TEX10: variants seen among roughly 807,000 people sequenced by gnomAD.
The protein encoded by TEX10 is testis expressed 10, also known as testis-expressed protein 10.
Under a neutral mutation model 104.4 loss-of-function variants are expected in TEX10, and 24 were observed. That is an observed-to-expected ratio of 0.23 (90% CI 0.17 to 0.32). The LOEUF (loss-of-function observed/expected upper bound fraction) is 0.32, where lower values mean the gene tolerates loss of function less well. Ranked by LOEUF, TEX10 falls within the 10% of genes least tolerant of loss-of-function variation. TEX10 has a pLI of 1.00. For missense variants in TEX10, 921 were observed against 1,083.9 expected (o/e 0.85, Z 2.11); for synonymous variants, 396 against 393.4 (o/e 1.01, Z -0.08).
In TEX10 at chr9:100,329,252, C is replaced by A. The variant is rs1017593757; in HGVS notation, c.1513G>T (p.Ala505Ser). The A allele has an allele frequency of 1.2e-6, 2 of 1,606,792 alleles. No individual in the cohort carries two copies. Among genetic ancestry groups the A allele is most frequent in the South Asian group, 2.2e-5 (2 of 88,928 alleles). Residue 505 changes from alanine (A) to serine (S), a missense_variant, in exon 7 of 15, where the codon GCA becomes TCA. Physicochemically the swap from Ala to Ser is moderately conservative, Grantham distance 99 (BLOSUM62 1). This residue lies in a region of TEX10 where 753 missense variants were observed against 868.4 expected (regional missense o/e 0.87). Coordinates refer to ENST00000374902, the MANE Select transcript of TEX10 (RefSeq NM_017746.4). ...CTCTGCTGATATAATGTATAAACTGCCTTAATAAGAGTCTCTGTGTCCTCT... is the reference window on the plus strand; with the variant it reads ...CTCTGCTGATATAATGTATAAACTGACTTAATAAGAGTCTCTGTGTCCTCT... ...NREDTETLIK[A>S]VYTLYQQRGL...
intron 1 of TEX10, among the ~76,000 whole-genome samples, chr9:100,350,688 A>C (rs1835417953): frequency 6.6e-6 from 1 of 152,182 alleles, no homozygotes; most frequent in South Asian, 2.1e-4. Flanking sequence ...TGAGGGTATA[A>C]AAAAATGGGT....
intron 1 of TEX10, among the ~76,000 whole-genome samples, chr9:100,352,038 G>C (rs746800916): frequency 6.6e-6 from 1 of 151,970 alleles, no homozygotes; most frequent in African/African-American, 2.4e-5. Flanking sequence ...TCCAACAAAA[G>C]GCAGATCCTA....
chr9:100,347,301 G>T lies in TEX10; in HGVS notation c.286C>A (p.Leu96Ile). 6.2e-7 allele frequency: 1 copy of T among 1,614,100 alleles called. No homozygotes were observed. Among genetic ancestry groups the T allele is most frequent in the Non-Finnish European group, 8.5e-7 (1 of 1,180,000 alleles). Residue 96 changes from leucine (L) to isoleucine (I), a missense_variant, in exon 3 of 15, where the codon CTT (leucine) becomes ATT (isoleucine). Leu to Ile is a conservative substitution (Grantham distance 5, BLOSUM62 2). Transcript: ENST00000374902. ...SQYPFIIDAH[L>I]SNILSEVTAV... is the part of the protein sequence containing the mutation. Reference sequence around the variant, plus strand: ...GTCACTTCACTTAATATGTTTGAAAGGTGTGCATCAATTATAAATGGGTAT... The same window carrying T: ...GTCACTTCACTTAATATGTTTGAAATGTGTGCATCAATTATAAATGGGTAT...
intron 9 of TEX10, among the ~76,000 whole-genome samples, chr9:100,323,439 CG>C (rs1476932831): frequency 6.6e-6 from 1 of 152,130 alleles, no homozygotes; most frequent in Non-Finnish European, 1.5e-5. Flanking sequence ...CCTAACACCA[CG>C]GAGCATCTTT....
intron 13 of TEX10, chr9:100,304,439 T>C (rs1261703620): frequency 6.5e-6 from 1 of 153,058 alleles, no homozygotes; most frequent in Non-Finnish European, 1.5e-5. Flanking sequence ...TACAACTATC[T>C]CATCTTCAAC....
Position 100,320,297 on chromosome 9 carries a change from C to A in TEX10, c.2170G>T (p.Asp724Tyr). 1 of 1,612,298 alleles carries A rather than the reference C, an allele frequency of 6.2e-7. No homozygotes were observed. The highest frequency in any genetic ancestry group is 8.5e-7 in the Non-Finnish European group (1 of 1,179,026). Reference sequence around the variant, plus strand: ...ACATCCCAGTGGTGTAAAAATTGATCCAAATCTGTAAGGTAGAGAAGCACA... The same window carrying A: ...ACATCCCAGTGGTGTAAAAATTGATACAAATCTGTAAGGTAGAGAAGCACA... Reference protein sequence around the residue: ...SPVLLYLTDLDQFLHHWDVTE... With the variant: ...SPVLLYLTDLYQFLHHWDVTE... Residue 724 changes from aspartate (D) to tyrosine (Y), a missense_variant, in exon 11 of 15, where the codon GAT (aspartate) becomes TAT (tyrosine). Physicochemically the swap from Asp to Tyr is radical, Grantham distance 160. Transcript: ENST00000374902.
chr9:100,320,740 A>C (rs1009769785), intron 10 of TEX10, among the ~76,000 whole-genome samples: 4 of 152,230 alleles, frequency 2.6e-5, no homozygotes, highest in African/African-American at 9.6e-5. Flanking sequence ...GAGCAAGTAA[A>C]AGCAGTAATA....
In TEX10 at chr9:100,312,282, C is replaced by A. The variant is rs143599369; in HGVS notation, c.2203-1903G>T. Among the ~76,000 whole-genome samples, 5 of 152,322 alleles carry A rather than the reference C, an allele frequency of 3.3e-5. No individual in the cohort carries two copies. In the East Asian group the frequency reaches 9.6e-4, roughly 29 times the overall value. ...GAGCCAAACTAGGTAAACTCTGGCA[C>A]TGGATTTGGTGGGAGTGCTGAGATG... On this transcript the variant is annotated intron_variant, in intron 11 of 14. Coordinates refer to ENST00000374902, the MANE Select transcript of TEX10 (RefSeq NM_017746.4).
intron 11 of TEX10, among the ~76,000 whole-genome samples, chr9:100,315,064 A>G (rs1419837672): frequency 6.6e-6 from 1 of 152,210 alleles, no homozygotes; most frequent in Non-Finnish European, 1.5e-5. Context: ...CATCATTTGT[A>G]AAGTTCCTCT....
chr9:100,310,604 A>G (rs1000733517), intron 11 of TEX10, among the ~76,000 whole-genome samples: 1 of 151,978 alleles, frequency 6.6e-6, no homozygotes, highest in East Asian at 1.9e-4. Context: ...CGCCTGGCTA[A>G]TTTTTGTATT....
At chr9:100,329,413 G>T in intron 6 of TEX10, 138 bp from the exon 7 acceptor site, 2 of 917,824 alleles carry the variant, frequency 2.2e-6, no homozygotes, top group South Asian at 3.3e-5. Flanking sequence ...AACTACCATT[G>T]AAGTCCTATA....
chr9:100,318,686 T>C (rs548336274), intron 11 of TEX10, among the ~76,000 whole-genome samples: 17 of 152,356 alleles, frequency 1.1e-4, no homozygotes, highest in South Asian at 4.1e-4. Context: ...TGTGATACTG[T>C]TTGTGTATTT....
intron 11 of TEX10, among the ~76,000 whole-genome samples, chr9:100,313,164 C>A (rs1338120572): frequency 6.6e-6 from 1 of 152,124 alleles, no homozygotes; most frequent in Non-Finnish European, 1.5e-5. Flanking sequence ...AAAATGAAAT[C>A]AAAATTACTT....
chr9:100,341,781 T>C (rs770014105), intron 4 of TEX10, among the ~76,000 whole-genome samples: 10 of 152,194 alleles, frequency 6.6e-5, no homozygotes, highest in Admixed American at 3.9e-4. Flanking sequence ...ACGAAATGTA[T>C]ATACATGTAG....
At chr9:100,327,725 C>T in intron 8 of TEX10, 62 bp downstream of exon 8, 1 of 1,357,984 alleles carries the variant, frequency 7.4e-7, no homozygotes, top group Non-Finnish European at 9.7e-7. Flanking sequence ...CCCTTAAAAA[C>T]TTCTTTTGTA....
At position 100,326,433 on chromosome 9, in the gene TEX10, C is replaced by T. The variant is rs1834706606; in HGVS notation, c.1848G>A (p.Gln616=). 1 of 1,613,854 alleles carries T rather than the reference C, an allele frequency of 6.2e-7. No individual in the cohort carries two copies. The highest frequency in any genetic ancestry group is 1.1e-5 in the South Asian group (1 of 91,068). ...AVVVLPADSQ[Q]RLVQLVYFLP... ...GGAAATATACAAGCTGAACCAAACG[C>T]TGCTGAGAGTCTGCAGGGAGAACCA... The change falls in exon 9 of 15, where the codon CAG becomes CAA. Residue 616 remains glutamine, a synonymous_variant. Coordinates refer to ENST00000374902, the MANE Select transcript of TEX10 (RefSeq NM_017746.4).
At chr9:100,324,665 A>G (rs1834658025) in intron 9 of TEX10, among the ~76,000 whole-genome samples, 1 of 152,206 alleles carries the variant, frequency 6.6e-6, no homozygotes, top group Admixed American at 6.5e-5. Flanking sequence ...ATCCTTGACA[A>G]AAGTTATTAA....
intron 3 of TEX10, 120 bp downstream of exon 3, chr9:100,346,574 G>A (rs1835303800): frequency 2.7e-6 from 3 of 1,124,272 alleles, no homozygotes; most frequent in Middle Eastern, 4.1e-4. Context: ...ATCAAATCAT[G>A]AGTAACTATA....
At chr9:100,303,559 C>T in intron 14 of TEX10, 73 bp downstream of exon 14, 1 of 1,530,990 alleles carries the variant, frequency 6.5e-7, no homozygotes, top group South Asian at 1.1e-5. Flanking sequence ...TCAAAACACA[C>T]TTTCCCCCAT....
Sources: allele counts gnomAD v4.1 joint callset (sites outside exome capture counted in the v4.1 genomes callset), GRCh38; gene constraint gnomAD v4.1.1; regional missense constraint gnomAD v4.1.1; transcripts MANE v1.5; gene names NCBI Gene and HGNC (gene_info 2026-07-23, HGNC 2026-07-21).